Variants in NEK11 observed in about 807,000 individuals in gnomAD.
NEK11 encodes the protein NIMA related kinase 11.
In NEK11, 72 loss-of-function variants were observed where a neutral mutation model predicts 80.7. The ratio of observed to expected loss-of-function variants is 0.89; its 90% confidence interval spans 0.74 to 1.08. NEK11 has a LOEUF of 1.08. Ranked by LOEUF, NEK11 falls within the 50% of genes least tolerant of loss-of-function variation. NEK11 has a pLI of 0.00. For missense variants in NEK11, 764 were observed against 763.6 expected (o/e 1.00, Z -0.01); for synonymous variants, 251 against 260.7 (o/e 0.96, Z 0.36).
intron 17 of NEK11, chr3:131,328,372 T>C (rs1205375849): frequency 6.6e-6 from 1 of 152,182 alleles, no homozygotes. Flanking sequence ...GCTAAATGAA[T>C]GACTTAGGTG....
At chr3:131,223,281 T>C (rs780704094) in intron 14 of NEK11, among the ~76,000 whole-genome samples, 7 of 152,192 alleles carry the variant, frequency 4.6e-5, no homozygotes, top group Non-Finnish European at 1.5e-5. Context: ...ATGAGTCCTT[T>C]TGTGGGCAGC....
chr3:131,305,817 C>T lies in NEK11; in HGVS notation c.1718+32243C>T, dbSNP rs112458726. Among the ~76,000 whole-genome samples the T allele has an allele frequency of 9.9e-3, 1,502 of 152,224 alleles. 21 individuals carry two copies. Among genetic ancestry groups the T allele is most frequent in the African/African-American group, 0.032 (1,339 of 41,542 alleles). ...TGAGTCTTGGTTCTTGACAGCCCCA[C>T]GCAGGGCTCCCAGCTTCTTCCCCTT... On this transcript the variant is annotated intron_variant, in intron 17 of 17. Transcript: ENST00000383366.
chr3:131,274,701 C>T (rs1378099956), intron 17 of NEK11, among the ~76,000 whole-genome samples: 17 of 121,510 alleles, frequency 1.4e-4, no homozygotes, highest in Non-Finnish European at 1.9e-4. Context: ...GGCCGGACTG[C>T]GGACTGCAGT....
chr3:131,126,968 T>G (rs1321302145), intron 5 of NEK11, among the ~76,000 whole-genome samples: 1 of 141,258 alleles, frequency 7.1e-6, no homozygotes, highest in Non-Finnish European at 1.5e-5. Flanking sequence ...TCTTTTTTTT[T>G]TTTTTTTTTT....
intron 16 of NEK11, among the ~76,000 whole-genome samples, chr3:131,271,675 A>T (rs543754394): frequency 4.7e-4 from 71 of 152,144 alleles, no homozygotes; most frequent in Middle Eastern, 3.4e-3. Flanking sequence ...GGAGCCTGTA[A>T]TCCCAGCTAC....
chr3:131,125,323 A>G (rs1269453330), intron 5 of NEK11, among the ~76,000 whole-genome samples: 2 of 152,202 alleles, frequency 1.3e-5, no homozygotes, highest in Non-Finnish European at 2.9e-5. Context: ...TGAACACTTT[A>G]CAAAGGTAAC....
chr3:131,175,169 A>C, intron 14 of NEK11: 3 of 932,580 alleles, frequency 3.2e-6, no homozygotes, highest in Non-Finnish European at 3.8e-6. Context: ...TTAATTTTAA[A>C]AAGAAAACCT....
chr3:131,077,652 A>G (rs961351859), intron 3 of NEK11, among the ~76,000 whole-genome samples: 6 of 152,176 alleles, frequency 3.9e-5, no homozygotes, highest in Non-Finnish European at 7.3e-5. Flanking sequence ...AAGACTTTAT[A>G]TTGTCATGCT....
At chr3:131,092,017 G>A (rs2076806330) in intron 4 of NEK11, among the ~76,000 whole-genome samples, 1 of 152,184 alleles carries the variant, frequency 6.6e-6, no homozygotes, top group Non-Finnish European at 1.5e-5. Flanking sequence ...TCTGTGTATT[G>A]GTTTGTTTAC....
intron 5 of NEK11, among the ~76,000 whole-genome samples, chr3:131,131,001 C>T (rs139303719): frequency 6.6e-6 from 1 of 152,128 alleles, no homozygotes; most frequent in Non-Finnish European, 1.5e-5. Context: ...GGAGTTTCAC[C>T]GTGTTGGCCA....
At chr3:131,269,412 A>T (rs146251186) in intron 16 of NEK11, among the ~76,000 whole-genome samples, 11 of 152,296 alleles carry the variant, frequency 7.2e-5, no homozygotes, top group African/African-American at 2.4e-4. Flanking sequence ...CACCCGAGGG[A>T]ATCTCCTGGT....
chr3:131,168,316 G>A (rs2092407170), intron 12 of NEK11, among the ~76,000 whole-genome samples: 1 of 151,794 alleles, frequency 6.6e-6, no homozygotes, highest in Non-Finnish European at 1.5e-5. Context: ...AGTCCAGGGT[G>A]CAGCCTGAGA....
chr3:131,073,272 T>C (rs2073756260), intron 3 of NEK11, among the ~76,000 whole-genome samples: 1 of 152,204 alleles, frequency 6.6e-6, no homozygotes, highest in Non-Finnish European at 1.5e-5. Flanking sequence ...ATGCAATATT[T>C]GTCTTCAAAC....
chr3:131,057,401 C>G (rs1286126508), intron 3 of NEK11, among the ~76,000 whole-genome samples: 1 of 151,928 alleles, frequency 6.6e-6, no homozygotes, highest in African/African-American at 2.4e-5. Flanking sequence ...GGGTATATAC[C>G]CAGTAATGGG....
At chr3:131,106,286 CTT>C (rs11305818) in intron 4 of NEK11, among the ~76,000 whole-genome samples, 249 of 140,042 alleles carry the variant, frequency 1.8e-3, no homozygotes, top group African/African-American at 3.9e-3. Flanking sequence ...CCTGTTAGGG[CTT>C]TTTTTTTTTT....
intron 5 of NEK11, among the ~76,000 whole-genome samples, chr3:131,116,121 C>T (rs2081183106): frequency 1.3e-5 from 2 of 151,922 alleles, no homozygotes; most frequent in South Asian, 4.2e-4. Flanking sequence ...TGCTATCCCT[C>T]GCCTTCCCCC....
intron 17 of NEK11, among the ~76,000 whole-genome samples, chr3:131,305,816 A>T (rs2109300281): frequency 6.6e-6 from 1 of 152,202 alleles, no homozygotes; most frequent in Non-Finnish European, 1.5e-5. Flanking sequence ...TGACAGCCCC[A>T]CGCAGGGCTC....
chr3:131,241,042 C>T (rs1248901319), intron 15 of NEK11, among the ~76,000 whole-genome samples: 12 of 152,228 alleles, frequency 7.9e-5, no homozygotes, highest in African/African-American at 2.9e-4. Context: ...CTTTATCAAC[C>T]ATTTTTGGTT....
At chr3:131,149,992 A>C (rs909184892) in intron 7 of NEK11, among the ~76,000 whole-genome samples, 2 of 152,038 alleles carry the variant, frequency 1.3e-5, no homozygotes, top group African/African-American at 4.8e-5. Context: ...AAGCACCTTA[A>C]CTGCATTCAA....
Sources: allele counts gnomAD v4.1 joint callset (sites outside exome capture counted in the v4.1 genomes callset), GRCh38; gene constraint gnomAD v4.1.1; transcripts MANE v1.5; gene names NCBI Gene and HGNC (gene_info 2026-07-23, HGNC 2026-07-21).